Variants in CSTF3 observed in about 807,000 individuals in gnomAD.
CSTF3 encodes cleavage stimulation factor subunit 3, also known as CF-1 77 kDa subunit.
Under a neutral mutation model 105.8 loss-of-function variants are expected in CSTF3, and 29 were observed. That is an observed-to-expected ratio of 0.27 (90% CI 0.20 to 0.37). The LOEUF (loss-of-function observed/expected upper bound fraction) is 0.37. CSTF3 is among the 10% of genes least tolerant of loss of function. CSTF3 has a pLI of 1.00. For synonymous variants in CSTF3, 252 were observed against 281.9 expected (o/e 0.89, Z 1.06); for missense variants, 357 against 879.3 (o/e 0.41, Z 7.51).
chr11:33,139,669 T>C (rs1855689195), intron 3 of CSTF3, among the ~76,000 whole-genome samples: 1 of 151,906 alleles, frequency 6.6e-6, no homozygotes, highest in Non-Finnish European at 1.5e-5. Context: ...AAACCAAAAA[T>C]ATAAATTTTA....
intron 3 of CSTF3, among the ~76,000 whole-genome samples, chr11:33,128,986 T>C (rs1855571607): frequency 6.6e-6 from 1 of 152,208 alleles, no homozygotes; most frequent in Admixed American, 6.5e-5. Context: ...TCCCATGCAG[T>C]GTCTGGCATG....
intron 2 of CSTF3, 48 bp downstream of exon 2, chr11:33,141,837 G>A (rs1855715399): frequency 6.4e-7 from 1 of 1,572,318 alleles, no homozygotes; most frequent in African/African-American, 1.4e-5. Context: ...GAACCAAGTA[G>A]TGTGATTGGA....
chr11:33,108,513 C>G, intron 3 of CSTF3, 95 bp from the exon 4 acceptor site: 1 of 935,834 alleles, frequency 1.1e-6, no homozygotes, highest in Non-Finnish European at 1.4e-6. Flanking sequence ...GCAAATTCAT[C>G]CCTATAGTTT....
chr11:33,126,920 G>A (rs932952574), intron 3 of CSTF3, among the ~76,000 whole-genome samples: 2 of 152,200 alleles, frequency 1.3e-5, no homozygotes, highest in Admixed American at 1.3e-4. Context: ...AAAGGATAAG[G>A]AGTTCTGCAG....
intron 1 of CSTF3, among the ~76,000 whole-genome samples, chr11:33,150,219 T>TAAAAAAAAAAAAAAAAAAAAAAA (rs10714096): frequency 3.5e-4 from 37 of 104,350 alleles, no homozygotes; most frequent in East Asian, 5.6e-4. Flanking sequence ...TGTCTCAAAC[T>TAAAAAAAAAAAAAAAAAAAAAAA]AAAAAAAAAA....
At chr11:33,103,700 G>A (rs1855301233) in intron 8 of CSTF3, among the ~76,000 whole-genome samples, 1 of 152,090 alleles carries the variant, frequency 6.6e-6, no homozygotes, top group African/African-American at 2.4e-5. Context: ...AAATGGCGAG[G>A]CAGAGGTTGC....
In CSTF3 at chr11:33,089,286, G is replaced by A. The variant is rs1855141309; in HGVS notation, c.1641+1246C>T. Among the ~76,000 whole-genome samples the A allele has an allele frequency of 2.0e-5, 3 of 150,712 alleles. No individual in the cohort carries two copies. The South Asian group carries it at 6.3e-4, about 31-fold the overall frequency. On this transcript the variant is annotated intron_variant, in intron 17 of 20. Transcript: ENST00000323959. The stretch of plus-strand genomic sequence containing the variant: ...ACCTGAGCCCAGGGAGATCAAGGCT[G>A]CAGTGAGCCATGATCTCACCATTGC...
chr11:33,144,915 GC>G, intron 1 of CSTF3: 1 of 235,034 alleles, frequency 4.3e-6, no homozygotes, highest in Non-Finnish European at 8.8e-6. Context: ...GGGAGAAGTT[GC>G]AGGGAACTGA....
rs138665839 is a variant in CSTF3, at chr11:33,090,595, A to G, written c.1578T>C (p.Asp526=). 2,187 of 1,611,358 alleles carry G rather than the reference A, an allele frequency of 1.4e-3. 18 individuals are homozygous for G. The Admixed American group carries it at 0.017, about 13-fold the overall frequency. Residue 526 remains aspartate (D), a synonymous_variant, in exon 17 of 21, where the codon GAT becomes GAC. Transcript: ENST00000323959. ...YEGKETALLV[D]RYKFMDLYPC... ...GATATAAATCCATGAACTTGTATCT[A>G]TCTACTAGTAAAGCCGTTTCTTTCC...
At chr11:33,145,457 TA>T (rs1025688127) in intron 1 of CSTF3, among the ~76,000 whole-genome samples, 14 of 151,114 alleles carry the variant, frequency 9.3e-5, no homozygotes, top group East Asian at 3.9e-4. Flanking sequence ...AATTTAAAAA[TA>T]AAAAAAAGGG....
chr11:33,126,443 C>T (rs534394396), intron 3 of CSTF3, among the ~76,000 whole-genome samples: 72 of 151,600 alleles, frequency 4.7e-4, no homozygotes, highest in African/African-American at 1.7e-3. Context: ...GAGTAAGAAC[C>T]TGACTCCAAA....
chr11:33,116,040 T>A (rs757667674), intron 3 of CSTF3, among the ~76,000 whole-genome samples: 6 of 152,190 alleles, frequency 3.9e-5, no homozygotes, highest in Non-Finnish European at 7.3e-5. Context: ...CTTAAATATA[T>A]CACAGAACTA....
At chr11:33,134,413 T>C (rs1232430009) in intron 3 of CSTF3, 1 of 152,100 alleles carries the variant, frequency 6.6e-6, no homozygotes, top group African/African-American at 2.4e-5. Flanking sequence ...CACAAAACCT[T>C]CAAAAATTCT....
At chr11:33,118,210 C>T (rs558020688) in intron 3 of CSTF3, among the ~76,000 whole-genome samples, 23 of 151,492 alleles carry the variant, frequency 1.5e-4, no homozygotes, top group Non-Finnish European at 3.1e-4. Context: ...ACTTTTAAAT[C>T]CTCTCAAATT....
chr11:33,140,104 A>C (rs965493676), intron 3 of CSTF3, among the ~76,000 whole-genome samples: 17 of 152,194 alleles, frequency 1.1e-4, no homozygotes, highest in African/African-American at 3.8e-4. Flanking sequence ...AAACAATTAT[A>C]TATCAATTAT....
At chr11:33,092,137 GTAAAA>G in intron 16 of CSTF3, 129 bp downstream of exon 16, 1 of 563,796 alleles carries the variant, frequency 1.8e-6, no homozygotes, top group Non-Finnish European at 3.1e-6. Context: ...CTGCTGATAG[GTAAAA>G]TAAAACTTGA....
intron 1 of CSTF3, among the ~76,000 whole-genome samples, chr11:33,146,043 C>T (rs1332954264): frequency 6.6e-6 from 1 of 151,792 alleles, no homozygotes; most frequent in African/African-American, 2.4e-5. Context: ...TCGAGACCAG[C>T]CCAACCAATA....
At chr11:33,108,222 T>C (rs1459905559) in intron 4 of CSTF3, among the ~76,000 whole-genome samples, 164 bp downstream of exon 4, 1 of 152,170 alleles carries the variant, frequency 6.6e-6, no homozygotes, top group East Asian at 1.9e-4. Flanking sequence ...AAAACTTTTA[T>C]GATGAACATT....
At chr11:33,106,710 G>T (rs6484648) in intron 5 of CSTF3, among the ~76,000 whole-genome samples, 84,514 of 151,994 alleles carry the variant, frequency 0.56, 26,082 homozygotes, top group Non-Finnish European at 0.69. Flanking sequence ...AGCTTGTCAA[G>T]ATCATAAATT....
Sources: gnomAD v4.1 joint callset for allele counts (sites outside exome capture counted in the v4.1 genomes callset) on GRCh38, gnomAD v4.1.1 for gene constraint, MANE v1.5 for transcripts, NCBI Gene and HGNC (gene_info 2026-07-23, HGNC 2026-07-21) for gene names.